Variants in EXOC4 observed in about 807,000 individuals in gnomAD.
The protein encoded by EXOC4 is exocyst complex component 4.
EXOC4 carries 71 observed loss-of-function variants against 107.2 expected under a neutral mutation model. The ratio of observed to expected loss-of-function variants is 0.66; its 90% CI spans 0.55 to 0.81. The LOEUF is 0.81. EXOC4 is among the 30% of genes least tolerant of loss of function. The probability of loss-of-function intolerance (pLI) is 0.00; values close to 1 mark genes in which losing one functional copy is unlikely to be tolerated. For missense variants in EXOC4, 1,108 were observed against 1,189.6 expected, an observed-to-expected ratio of 0.93 and a Z score of 1.01; for synonymous variants, 456 against 441.2, an observed-to-expected ratio of 1.03 and a Z score of -0.42.
intron 9 of EXOC4, among the ~76,000 whole-genome samples, chr7:133,565,624 A>G (rs1023143831): frequency 6.6e-6 from 1 of 152,202 alleles, no homozygotes; most frequent in Non-Finnish European, 1.5e-5. Context: ...AATCTTTTAA[A>G]TATGTCCCAT....
chr7:133,674,783 T>C (rs1285255061), intron 10 of EXOC4, among the ~76,000 whole-genome samples: 1 of 152,186 alleles, frequency 6.6e-6, no homozygotes. Context: ...ATAGGTCCCT[T>C]GGGCCTATGG....
chr7:133,799,234 A>G (rs1796880823), intron 10 of EXOC4, among the ~76,000 whole-genome samples: 1 of 152,164 alleles, frequency 6.6e-6, no homozygotes, highest in Admixed American at 6.5e-5. Flanking sequence ...CCCTGTGAAT[A>G]ATTATGTCAC....
Position 133,377,611 on chromosome 7 carries a change from T to C in EXOC4, c.1182+2609T>C, listed in dbSNP as rs146370391. 5.0e-3 allele frequency among the ~76,000 whole-genome samples: 759 copies of C among 152,164 alleles called. 4 individuals carry two copies. Among genetic ancestry groups the C allele is most frequent in the Middle Eastern group, 0.017 (5 of 294 alleles). On this transcript the variant is annotated intron_variant, in intron 7 of 17. Coordinates refer to ENST00000253861, the MANE Select transcript of EXOC4 (RefSeq NM_021807.4). ...ACAGAGAGATTGGGGTAGAAAAATATCAGGAGAAATGGTGACCAAAAAGTT... is the reference window on the plus strand; with the variant it reads ...ACAGAGAGATTGGGGTAGAAAAATACCAGGAGAAATGGTGACCAAAAAGTT...
intron 14 of EXOC4, among the ~76,000 whole-genome samples, chr7:133,940,022 A>G (rs78903081): frequency 6.6e-6 from 1 of 152,230 alleles, no homozygotes; most frequent in Non-Finnish European, 1.5e-5. Flanking sequence ...TTGCAAATGC[A>G]GAGCTGCTTA....
intron 10 of EXOC4, among the ~76,000 whole-genome samples, chr7:133,688,533 A>G (rs2151075097): frequency 6.6e-6 from 1 of 152,262 alleles, no homozygotes; most frequent in South Asian, 2.1e-4. Context: ...AGTCATTAGT[A>G]TTCTTTGTTA....
intron 7 of EXOC4, among the ~76,000 whole-genome samples, chr7:133,441,423 C>T (rs1232148022): frequency 6.6e-6 from 1 of 152,180 alleles, no homozygotes; most frequent in African/African-American, 2.4e-5. Flanking sequence ...CATAGTCTCA[C>T]TCTGTCACCC....
chr7:133,426,909 A>G (rs953648643), intron 7 of EXOC4, among the ~76,000 whole-genome samples: 7 of 152,180 alleles, frequency 4.6e-5, no homozygotes, highest in Non-Finnish European at 8.8e-5. Context: ...AGCAGTTTAT[A>G]TTGACAGTGT....
At chr7:133,382,567 A>G (rs1796641268) in intron 7 of EXOC4, among the ~76,000 whole-genome samples, 1 of 152,170 alleles carries the variant, frequency 6.6e-6, no homozygotes. Context: ...TAGGTTAGAA[A>G]TCATTCCTGG....
chr7:133,698,290 T>C (rs1238097645), intron 10 of EXOC4, among the ~76,000 whole-genome samples: 1 of 152,092 alleles, frequency 6.6e-6, no homozygotes, highest in Non-Finnish European at 1.5e-5. Context: ...ACTTCTGTGT[T>C]GAGACTGTTA....
At chr7:133,718,997 T>C (rs1795052460) in intron 10 of EXOC4, among the ~76,000 whole-genome samples, 1 of 152,162 alleles carries the variant, frequency 6.6e-6, no homozygotes, top group Non-Finnish European at 1.5e-5. Flanking sequence ...CCATGTGAGA[T>C]GGTTTGGCTG....
At chr7:133,566,106 A>G (rs1800901142) in intron 9 of EXOC4, among the ~76,000 whole-genome samples, 1 of 152,234 alleles carries the variant, frequency 6.6e-6, no homozygotes, top group African/African-American at 2.4e-5. Context: ...ATTGGCCTAT[A>G]TGAAAATATA....
At chr7:134,095,851 A>G in the EXOC4 span, among the ~76,000 whole-genome samples, 1 of 152,184 alleles carries the variant, frequency 6.6e-6, no homozygotes, top group Non-Finnish European at 1.5e-5. Context: ...TAAGACCCCA[A>G]ACTTTAAGAA....
intron 5 of EXOC4, among the ~76,000 whole-genome samples, chr7:133,347,949 A>G (rs927071820): frequency 1.3e-5 from 2 of 152,212 alleles, no homozygotes; most frequent in Admixed American, 6.5e-5. Context: ...GAAGTTAAGT[A>G]TTTCTAATTT....
At chr7:133,695,193 T>C (rs1429171973) in intron 10 of EXOC4, among the ~76,000 whole-genome samples, 5 of 142,414 alleles carry the variant, frequency 3.5e-5, no homozygotes, top group African/African-American at 1.3e-4. Context: ...TTTTTTTTTT[T>C]ACCTTACCAC....
chr7:133,683,096 C>G, intron 10 of EXOC4, among the ~76,000 whole-genome samples: 1 of 152,180 alleles, frequency 6.6e-6, no homozygotes, highest in East Asian at 1.9e-4. Context: ...TGAATGTCAT[C>G]TCTCCTCCTG....
intron 7 of EXOC4, among the ~76,000 whole-genome samples, chr7:133,450,784 A>G (rs1334015162): frequency 2.0e-5 from 3 of 152,252 alleles, no homozygotes; most frequent in Non-Finnish European, 4.4e-5. Flanking sequence ...ACTAAGGTAA[A>G]CATAAATCGT....
At chr7:133,502,798 T>G (rs1799598603) in intron 9 of EXOC4, among the ~76,000 whole-genome samples, 1 of 152,198 alleles carries the variant, frequency 6.6e-6, no homozygotes, top group Non-Finnish European at 1.5e-5. Flanking sequence ...TTTTTCATCT[T>G]GTCTCCTCTT....
At chr7:133,807,220 T>C (rs1244632596) in intron 10 of EXOC4, among the ~76,000 whole-genome samples, 1 of 152,074 alleles carries the variant, frequency 6.6e-6, no homozygotes, top group Non-Finnish European at 1.5e-5. Flanking sequence ...TGTCAGCTGT[T>C]AATGTTACTG....
chr7:133,814,154 T>TG (rs893480773), intron 10 of EXOC4, among the ~76,000 whole-genome samples: 4 of 152,274 alleles, frequency 2.6e-5, no homozygotes, highest in African/African-American at 9.6e-5. Context: ...CCCCCACCCC[T>TG]GCCTCCTATG....
Sources: gnomAD v4.1 joint callset for allele counts (sites outside exome capture counted in the v4.1 genomes callset) on GRCh38, gnomAD v4.1.1 for gene constraint, MANE v1.5 for transcripts, NCBI Gene and HGNC (gene_info 2026-07-23, HGNC 2026-07-21) for gene names.